Variants in NSUN4 observed in about 807,000 individuals in gnomAD.
NSUN4 encodes NOP2/Sun RNA methyltransferase 4.
Under a neutral mutation model 43.8 loss-of-function variants are expected in NSUN4, and 31 were observed. The observed-to-expected ratio is 0.71, with a 90% CI of 0.53 to 0.96. The LOEUF (loss-of-function observed/expected upper bound fraction) is 0.96. Ranked by LOEUF, NSUN4 falls within the 40% of genes least tolerant of loss-of-function variation. The pLI is 0.00. For synonymous variants in NSUN4, 167 were observed against 184.1 expected, an observed-to-expected ratio of 0.91 and a Z score of 0.75; for missense variants, 439 against 475.6, an observed-to-expected ratio of 0.92 and a Z score of 0.72.
intron 3 of NSUN4, among the ~76,000 whole-genome samples, chr1:46,348,832 T>TTTTTTTTG (rs71062755): frequency 8.0e-6 from 1 of 125,638 alleles, no homozygotes. Context: ...TTTTTTTTTT[T>TTTTTTTTG]GAGAAGAAGT....
chr1:46,376,512 C>T, the NSUN4 span, among the ~76,000 whole-genome samples: 1 of 151,642 alleles, frequency 6.6e-6, no homozygotes, highest in Non-Finnish European at 1.5e-5. Flanking sequence ...TTTTCACTGA[C>T]TCAAGATGTA....
chr1:46,360,718 G>T lies in NSUN4; in HGVS notation c.768G>T (p.Val256=). ...ACTCTGGGTAGGTGCTGGTGGATGT[G>T]CCCTGTACCACAGACCGCCACTCCC... ...GDTYDRVLVD[V]PCTTDRHSLH... Residue 256 remains valine (V), a synonymous_variant, in exon 5 of 6, where the codon GTG becomes GTT. Transcript: ENST00000474844. The T allele has an allele frequency of 6.2e-7, 1 of 1,613,904 alleles. No homozygotes were observed. The highest frequency in any genetic ancestry group is 8.5e-7 in the Non-Finnish European group (1 of 1,179,838).
chr1:46,345,235 C>A, intron 2 of NSUN4, 91 bp downstream of exon 2: 2 of 896,864 alleles, frequency 2.2e-6, no homozygotes, highest in Non-Finnish European at 3.4e-6. Flanking sequence ...TAATAAGGAC[C>A]ATAATATTGC....
At chr1:46,341,016 C>G in intron 1 of NSUN4, 97 bp downstream of exon 1, 1 of 1,257,750 alleles carries the variant, frequency 8.0e-7, no homozygotes. Flanking sequence ...GCGTCTTTCC[C>G]AAGCACTCCA....
At chr1:46,351,278 C>T (rs934685225) in intron 3 of NSUN4, among the ~76,000 whole-genome samples, 3 of 152,020 alleles carry the variant, frequency 2.0e-5, no homozygotes, top group African/African-American at 4.8e-5. Flanking sequence ...GCAGGAGAAT[C>T]GCTTGAACCC....
intron 3 of NSUN4, 73 bp from the exon 4 acceptor site, chr1:46,352,795 T>C (rs1663097256): frequency 2.7e-6 from 4 of 1,463,748 alleles, no homozygotes; most frequent in Non-Finnish European, 3.8e-6. Flanking sequence ...AGAATTGGTC[T>C]GACTCCATCA....
At chr1:46,357,244 A>G (rs921168168) in intron 4 of NSUN4, among the ~76,000 whole-genome samples, 3 of 152,196 alleles carry the variant, frequency 2.0e-5, no homozygotes, top group South Asian at 2.1e-4. Flanking sequence ...CAATGGCACA[A>G]TCTCGGCTCA....
At chr1:46,352,765 G>C (rs1249084094) in intron 3 of NSUN4, 103 bp from the exon 4 acceptor site, 6 of 1,083,256 alleles carry the variant, frequency 5.5e-6, no homozygotes, top group Non-Finnish European at 8.3e-6. Flanking sequence ...GCTGGGGTTT[G>C]CATTGGCTGG....
chr1:46,358,890 A>G (rs935776873), intron 4 of NSUN4, among the ~76,000 whole-genome samples: 2 of 151,806 alleles, frequency 1.3e-5, no homozygotes, highest in East Asian at 1.9e-4. Flanking sequence ...AACTTCGTCT[A>G]CTCTTTCTCC....
chr1:46,383,448 GTT>G, the NSUN4 span, among the ~76,000 whole-genome samples: 217 of 102,402 alleles, frequency 2.1e-3, 2 homozygotes, highest in African/African-American at 7.4e-3. Context: ...GTTGGCTGGT[GTT>G]TTTTTTTTTT....
intron 4 of NSUN4, among the ~76,000 whole-genome samples, chr1:46,358,886 G>A (rs910885556): frequency 2.6e-5 from 4 of 151,976 alleles, no homozygotes; most frequent in East Asian, 1.9e-4. Context: ...ATGGAACTTC[G>A]TCTACTCTTT....
downstream of NSUN4, among the ~76,000 whole-genome samples, chr1:46,368,382 C>T (rs1664183089): frequency 6.6e-6 from 1 of 152,248 alleles, no homozygotes; most frequent in South Asian, 2.1e-4. Context: ...TTTGTTTTGA[C>T]CAGTAAAGTC....
chr1:46,380,142 T>C, the NSUN4 span, among the ~76,000 whole-genome samples: 1 of 152,186 alleles, frequency 6.6e-6, no homozygotes, highest in African/African-American at 2.4e-5. Flanking sequence ...CTCTGGAATC[T>C]GAGAAGCTCC....
Position 46,360,801 on chromosome 1 carries a change from TG to T in NSUN4, c.852del (p.Leu284PhefsTer58), listed in dbSNP as rs750039555. On this transcript the variant is annotated frameshift_variant, in exon 5 of 6. Coordinates refer to ENST00000474844, the MANE Select transcript of NSUN4 (RefSeq NM_199044.4). LOFTEE classifies it high-confidence loss of function. ...TCAAGGAAGAAGGAGCGACAGATATTGCCTGTGCTGCAAGTGCAGCTTCTTG... is the reference window on the plus strand; with the variant it reads ...TCAAGGAAGAAGGAGCGACAGATATTCCTGTGCTGCAAGTGCAGCTTCTTG... ...KRSRKKERQILPVLQVQLLAA... is the reference protein window; with the variant it reads ...KRSRKKERQIXPVLQVQLLAA... The T allele has an allele frequency of 2.5e-6, 4 of 1,614,022 alleles. No homozygotes were observed. The East Asian group carries it at 8.9e-5, about 36-fold the overall frequency.
At chr1:46,341,816 T>G (rs1204899008) in intron 1 of NSUN4, 1 of 1,232,672 alleles carries the variant, frequency 8.1e-7, no homozygotes, top group African/African-American at 1.6e-5. Flanking sequence ...AGCGGACACC[T>G]TATTGCAGCT....
chr1:46,345,162 G>A lies in NSUN4; in HGVS notation c.437+18G>A. Reference sequence around the variant, plus strand: ...CCTGCCAGGTAGGATCTGGAGCCATGACTGGAGCGGTCCTGAGTGTCTGCT... The same window carrying A: ...CCTGCCAGGTAGGATCTGGAGCCATAACTGGAGCGGTCCTGAGTGTCTGCT... On this transcript the variant is annotated intron_variant, in intron 2 of 5. Coordinates refer to ENST00000474844, the MANE Select transcript of NSUN4 (RefSeq NM_199044.4). The A allele has an allele frequency of 1.3e-6, 2 of 1,570,354 alleles. No individual in the cohort carries two copies. Among genetic ancestry groups the A allele is most frequent in the Non-Finnish European group, 8.7e-7 (1 of 1,155,546 alleles).
intron 1 of NSUN4, chr1:46,343,234 G>C (rs1662248128): frequency 2.5e-6 from 1 of 399,170 alleles, no homozygotes. Flanking sequence ...ACTCCCAGGG[G>C]CCCACCCCAA....
In NSUN4 at chr1:46,345,030, T is replaced by G. The variant is rs559913911; in HGVS notation, c.323T>G (p.Leu108Arg). 6.2e-7 allele frequency: 1 copy of G among 1,614,194 alleles called. No homozygotes were observed. Among genetic ancestry groups the G allele is most frequent in the Non-Finnish European group, 8.5e-7 (1 of 1,180,014 alleles). The change falls in exon 2 of 6, where the codon CTG (leucine) becomes CGG (arginine). Residue 108 changes from leucine (L) to arginine (R), a missense_variant. Transcript: ENST00000474844. ...AATGAAGCCATCTCCCACTGGGAAC[T>G]GCAGTCTGAGGGTGGCCAATCTGCA... ...FVNEAISHWE[L>R]QSEGGQSAAP...
Position 46,365,011 on chromosome 1 carries a change from T to C in NSUN4, c.*3165T>C, listed in dbSNP as rs2148427744. ...ATCCTTTGCCTTTAAATAAAAATCT[T>C]AAGTGATTATGCTCTGTGAAGCCTG... On this transcript the variant is annotated 3_prime_UTR_variant, in exon 6 of 6. Coordinates refer to ENST00000474844, the MANE Select transcript of NSUN4 (RefSeq NM_199044.4). 6.6e-6 allele frequency: 1 copy of C among 152,382 alleles called. No homozygotes were observed. The highest frequency in any genetic ancestry group is 2.4e-5 in the African/African-American group (1 of 41,594). 9.4% of individuals were successfully genotyped at this position (152,382 alleles called of 1,614,324 possible).
Sources: gnomAD v4.1 joint callset for allele counts (sites outside exome capture counted in the v4.1 genomes callset) on GRCh38, gnomAD v4.1.1 for gene constraint, MANE v1.5 for transcripts, NCBI Gene and HGNC (gene_info 2026-07-23, HGNC 2026-07-21) for gene names.